The following TENM4 variants were observed in gnomAD, a reference collection of about 807,000 sequenced individuals.
TENM4 encodes the protein teneurin transmembrane protein 4.
Under a neutral mutation model 243.3 loss-of-function variants are expected in TENM4, and 82 were observed. The observed-to-expected ratio is 0.34, with a 90% CI of 0.28 to 0.40. TENM4 has a LOEUF of 0.40. Ranked by LOEUF, TENM4 falls within the 10% of genes least tolerant of loss-of-function variation. The probability of loss-of-function intolerance (pLI) is 1.00; values close to 1 mark genes in which losing one functional copy is unlikely to be tolerated. For missense variants in TENM4, 3,138 were observed against 3,673.3 expected, an observed-to-expected ratio of 0.85 and a Z score of 3.77; for synonymous variants, 1,412 against 1,456.3, an observed-to-expected ratio of 0.97 and a Z score of 0.69.
At chr11:78,707,496 T>A (rs1015076671) in intron 27 of TENM4, among the ~76,000 whole-genome samples, 6 of 152,280 alleles carry the variant, frequency 3.9e-5, no homozygotes, top group Admixed American at 1.3e-4. Flanking sequence ...CCATGCTTCT[T>A]GTTTTAACTG....
At chr11:78,972,378 A>G (rs1857564177) in intron 6 of TENM4, among the ~76,000 whole-genome samples, 1 of 152,088 alleles carries the variant, frequency 6.6e-6, no homozygotes, top group South Asian at 2.1e-4. Context: ...TATGTTGGAA[A>G]AATGGTCTTT....
chr11:79,160,744 ATCAGGTATTTC>A (rs906831558), intron 3 of TENM4, among the ~76,000 whole-genome samples: 1 of 152,180 alleles, frequency 6.6e-6, no homozygotes, highest in African/African-American at 2.4e-5. Flanking sequence ...CTTACCCTGT[ATCAGGTATTTC>A]TCATACTTTA....
At chr11:78,928,888 G>A (rs1856609641) in intron 6 of TENM4, among the ~76,000 whole-genome samples, 2 of 152,298 alleles carry the variant, frequency 1.3e-5, no homozygotes, top group South Asian at 4.1e-4. Context: ...ATTTATGAAA[G>A]GGGAGATCTG....
intron 2 of TENM4, among the ~76,000 whole-genome samples, chr11:79,260,058 T>A (rs1218499709): frequency 6.6e-6 from 1 of 152,240 alleles, no homozygotes; most frequent in Non-Finnish European, 1.5e-5. Flanking sequence ...ATATGGAGGT[T>A]ACAATTTTTT....
At chr11:79,369,342 T>G (rs1857737249) in intron 1 of TENM4, among the ~76,000 whole-genome samples, 1 of 152,244 alleles carries the variant, frequency 6.6e-6, no homozygotes, top group Non-Finnish European at 1.5e-5. Context: ...AATCAGCATG[T>G]ATAATTTCTC....
intron 17 of TENM4, among the ~76,000 whole-genome samples, chr11:78,777,451 T>C (rs918024200): frequency 2.0e-5 from 3 of 152,202 alleles, no homozygotes; most frequent in East Asian, 3.8e-4. Flanking sequence ...CCTTTTCCTT[T>C]ACAGTTTCAA....
At chr11:79,125,856 G>A (rs956253250) in intron 4 of TENM4, among the ~76,000 whole-genome samples, 9 of 152,228 alleles carry the variant, frequency 5.9e-5, no homozygotes, top group African/African-American at 9.6e-5. Context: ...AAGTCCCAGC[G>A]AGCCCCTAGA....
intron 1 of TENM4, among the ~76,000 whole-genome samples, chr11:79,430,889 A>G (rs1859153783): frequency 6.6e-6 from 1 of 152,334 alleles, no homozygotes; most frequent in Non-Finnish European, 1.5e-5. Context: ...CATTAGAAAG[A>G]ACATCTAGGC....
At chr11:78,713,477 GA>G in intron 25 of TENM4, among the ~76,000 whole-genome samples, 1 of 152,230 alleles carries the variant, frequency 6.6e-6, no homozygotes, top group East Asian at 1.9e-4. Context: ...GCCTTGGGGA[GA>G]CAAAGCACTG....
chr11:78,662,318 G>A (rs1858051344), intron 32 of TENM4, among the ~76,000 whole-genome samples: 1 of 151,844 alleles, frequency 6.6e-6, no homozygotes, highest in South Asian at 2.1e-4. Context: ...AGCCTCCCGA[G>A]TAGCTGGGAT....
Position 78,856,181 on chromosome 11 carries a change from A to G in TENM4, c.1256-3T>C. 6.4e-7 allele frequency: 1 copy of G among 1,550,766 alleles called. No homozygotes were observed. The highest frequency in any genetic ancestry group is 8.7e-7 in the Non-Finnish European group (1 of 1,146,358). ...TGGAAAGAAACTACTGGGCTTTCCT[A>G]CCAAGATAGAGGGAAGGGAAGACAA... On this transcript the variant is annotated splice_region_variant and splice_polypyrimidine_tract_variant and intron_variant, in intron 10 of 33. Transcript: ENST00000278550.
chr11:79,146,882 T>A (rs1396247195), intron 4 of TENM4, among the ~76,000 whole-genome samples: 1 of 152,070 alleles, frequency 6.6e-6, no homozygotes, highest in African/African-American at 2.4e-5. Context: ...TAGCCTGTGT[T>A]TTCATTCCTC....
chr11:78,856,898 G>C (rs1359352100), intron 10 of TENM4, among the ~76,000 whole-genome samples: 1 of 152,174 alleles, frequency 6.6e-6, no homozygotes, highest in East Asian at 1.9e-4. Flanking sequence ...GCCATACCTG[G>C]AAATTCCACC....
At chr11:79,081,304 G>C (rs556045213) in intron 4 of TENM4, among the ~76,000 whole-genome samples, 1 of 152,292 alleles carries the variant, frequency 6.6e-6, no homozygotes, top group African/African-American at 2.4e-5. Flanking sequence ...GCTCTGTTGA[G>C]CAGGGAAGGA....
chr11:79,328,699 G>A (rs112844058), intron 1 of TENM4, among the ~76,000 whole-genome samples: 15 of 152,246 alleles, frequency 9.9e-5, no homozygotes, highest in African/African-American at 3.4e-4. Flanking sequence ...TCTACAACGT[G>A]CCCGCTTCTG....
intron 1 of TENM4, among the ~76,000 whole-genome samples, chr11:79,368,833 TTAGCCTAATTTCTCCACA>T (rs1197441476): frequency 6.6e-6 from 1 of 152,360 alleles, no homozygotes; most frequent in East Asian, 1.9e-4. Context: ...GGCAAATTAA[TTAGCCTAATTTCTCCACA>T]TAACAACAGC....
chr11:78,728,739 G>A (rs1457191321), intron 22 of TENM4, among the ~76,000 whole-genome samples: 2 of 152,136 alleles, frequency 1.3e-5, no homozygotes, highest in African/African-American at 4.8e-5. Context: ...AACTCCGCAG[G>A]GTTAGGCCTG....
chr11:79,262,695 T>C (rs1257279967), intron 2 of TENM4, among the ~76,000 whole-genome samples: 1 of 152,186 alleles, frequency 6.6e-6, no homozygotes, highest in Non-Finnish European at 1.5e-5. Flanking sequence ...CAGCTTGGTG[T>C]ATTAGGTTTA....
chr11:79,121,835 C>G (rs1203911923), intron 4 of TENM4, among the ~76,000 whole-genome samples: 1 of 152,200 alleles, frequency 6.6e-6, no homozygotes, highest in Non-Finnish European at 1.5e-5. Context: ...TGACCATGGA[C>G]AAGTTTCCTC....
Sources: gnomAD v4.1 joint callset for allele counts (sites outside exome capture counted in the v4.1 genomes callset) on GRCh38, gnomAD v4.1.1 for gene constraint, MANE v1.5 for transcripts, NCBI Gene and HGNC (gene_info 2026-07-23, HGNC 2026-07-21) for gene names.